The following SSH2 variants were observed in gnomAD, a reference collection of about 807,000 sequenced individuals.
The protein encoded by SSH2 is protein phosphatase Slingshot homolog 2.
In SSH2, 37 loss-of-function variants were observed where a neutral mutation model predicts 135.2. The observed-to-expected ratio is 0.27, with a 90% CI of 0.21 to 0.36. The LOEUF is 0.36. Ranked by LOEUF, SSH2 falls within the 10% of genes least tolerant of loss-of-function variation. The probability of loss-of-function intolerance (pLI) is 1.00; values close to 1 mark genes in which losing one functional copy is unlikely to be tolerated. For missense variants in SSH2, 1,408 were observed against 1,765.3 expected (o/e 0.80, Z 3.63); for synonymous variants, 628 against 646.2 (o/e 0.97, Z 0.43).
At chr17:29,735,484 G>A (rs1274484979) in intron 3 of SSH2, among the ~76,000 whole-genome samples, 1 of 151,618 alleles carries the variant, frequency 6.6e-6, no homozygotes, top group Admixed American at 6.6e-5. Flanking sequence ...ATCACAGGAG[G>A]TCAGAAGTTT....
At position 29,694,584 on chromosome 17, in the gene SSH2, G is replaced by A. The variant is rs189328727; in HGVS notation, c.357+875C>T. ...CTCGGGAGGCTGAGGCAGGAGAATC[G>A]ATCGAACCTGGGAGGTGGAGGTTGC... On this transcript the variant is annotated intron_variant, in intron 5 of 15. Coordinates refer to ENST00000540801, the MANE Select transcript of SSH2 (RefSeq NM_001282129.2). 6.0e-4 allele frequency among the ~76,000 whole-genome samples: 91 copies of A among 152,246 alleles called. No homozygotes were observed. The East Asian group carries it at 0.01, about 17-fold the overall frequency.
intron 3 of SSH2, among the ~76,000 whole-genome samples, chr17:29,730,604 T>A (rs1394942410): frequency 1.3e-5 from 2 of 151,846 alleles, no homozygotes; most frequent in Admixed American, 6.6e-5. Context: ...CTCGGCTAAT[T>A]TTTTTGGTAA....
intron 5 of SSH2, among the ~76,000 whole-genome samples, chr17:29,688,530 G>C (rs999051599): frequency 1.4e-4 from 21 of 152,006 alleles, no homozygotes; most frequent in Non-Finnish European, 1.8e-4. Context: ...CTGGAATGCA[G>C]TGGTGTGATC....
At position 29,844,002 on chromosome 17, in the gene SSH2, A is replaced by G. The variant is rs1370959273; in HGVS notation, c.144+4847T>C. ...AAAATGTAAAAATATTCTAAACCAA[A>G]TAATTCTTACATTTTAGACTTTCTT... On this transcript the variant is annotated intron_variant, in intron 2 of 15. Transcript: ENST00000540801. 2.6e-5 allele frequency among the ~76,000 whole-genome samples: 4 copies of G among 152,304 alleles called. No homozygotes were observed. In the South Asian group the frequency reaches 6.2e-4, roughly 24 times the overall value.
rs544975138 is a variant in SSH2 at position 29,897,274 on chromosome 17, C to T, written c.63+32664G>A. 2.4e-4 allele frequency among the ~76,000 whole-genome samples: 37 copies of T among 152,176 alleles called. 1 individual carries two copies. Among genetic ancestry groups the T allele is most frequent in the African/African-American group, 8.9e-4 (37 of 41,542 alleles). ...TCATAATGACAGGATCAAATTTACACATAACAACATTAACCTTAAACGTAA... is the reference window on the plus strand; with the variant it reads ...TCATAATGACAGGATCAAATTTACATATAACAACATTAACCTTAAACGTAA... On this transcript the variant is annotated intron_variant, in intron 1 of 15. Transcript: ENST00000540801.
At chr17:29,796,129 G>A (rs1427203125) in intron 2 of SSH2, among the ~76,000 whole-genome samples, 1 of 152,154 alleles carries the variant, frequency 6.6e-6, no homozygotes, top group Non-Finnish European at 1.5e-5. Context: ...TAATACCTAT[G>A]AACACCATTC....
intron 3 of SSH2, among the ~76,000 whole-genome samples, chr17:29,766,020 C>CAAAA (rs56037567): frequency 0.032 from 3,199 of 100,444 alleles, 100 homozygotes; most frequent in African/African-American, 0.055. Flanking sequence ...ACTCCGTCTC[C>CAAAA]AAAAAAAAAA....
chr17:29,770,690 C>T (rs1413532736), intron 3 of SSH2, among the ~76,000 whole-genome samples: 4 of 152,038 alleles, frequency 2.6e-5, no homozygotes, highest in Non-Finnish European at 5.9e-5. Context: ...CCTGACTGGT[C>T]TCGAACTCCT....
At chr17:29,856,250 C>T (rs969764872) in intron 1 of SSH2, 12 of 296,896 alleles carry the variant, frequency 4.0e-5, no homozygotes, top group Non-Finnish European at 5.2e-5. Flanking sequence ...CAATCCACAA[C>T]AGTTAAAAAC....
chr17:29,793,479 G>C (rs1367445415), intron 3 of SSH2: 1 of 154,312 alleles, frequency 6.5e-6, no homozygotes, highest in Admixed American at 6.5e-5. Flanking sequence ...TGAAAGGTAA[G>C]GAAATTTTGC....
At chr17:29,674,622 C>A (rs973555248) in intron 8 of SSH2, among the ~76,000 whole-genome samples, 7 of 152,122 alleles carry the variant, frequency 4.6e-5, no homozygotes, top group Admixed American at 6.6e-5. Context: ...ACTCACTACT[C>A]CCCATAAGGT....
At chr17:29,707,879 T>G (rs2039271655) in intron 3 of SSH2, among the ~76,000 whole-genome samples, 1 of 152,064 alleles carries the variant, frequency 6.6e-6, no homozygotes, top group Non-Finnish European at 1.5e-5. Context: ...TCCCAGAGAC[T>G]CGTGGCAGAT....
intron 3 of SSH2, among the ~76,000 whole-genome samples, chr17:29,790,819 C>T (rs2042051836): frequency 6.6e-6 from 1 of 151,390 alleles, no homozygotes; most frequent in South Asian, 2.1e-4. Flanking sequence ...ACCTCTGCCT[C>T]CCGAGTTCCA....
At chr17:29,707,150 C>CT (rs1250227535) in intron 3 of SSH2, 2 of 103,866 alleles carry the variant, frequency 1.9e-5, no homozygotes, top group African/African-American at 3.7e-5. Flanking sequence ...GACACTCCGC[C>CT]TCAAAAAAAA....
At chr17:29,691,673 G>T (rs536683376) in intron 5 of SSH2, among the ~76,000 whole-genome samples, 45 of 151,522 alleles carry the variant, frequency 3.0e-4, no homozygotes, top group Admixed American at 5.3e-4. Context: ...TGTATTTTTA[G>T]TAGAGACGGG....
intron 3 of SSH2, among the ~76,000 whole-genome samples, chr17:29,791,745 CAG>C (rs2042069085): frequency 6.6e-6 from 1 of 152,092 alleles, no homozygotes; most frequent in Admixed American, 6.6e-5. Flanking sequence ...GACATTATAA[CAG>C]ATTAGCAAAT....
At chr17:29,680,702 C>T (rs1022868182) in intron 6 of SSH2, among the ~76,000 whole-genome samples, 3 of 152,018 alleles carry the variant, frequency 2.0e-5, no homozygotes, top group African/African-American at 7.2e-5. Context: ...GACAGCTCTA[C>T]CACAAGTTTT....
At chr17:29,917,459 A>G (rs1172170292) in intron 1 of SSH2, among the ~76,000 whole-genome samples, 1 of 152,072 alleles carries the variant, frequency 6.6e-6, no homozygotes, top group Non-Finnish European at 1.5e-5. Context: ...TGCCTTCCCC[A>G]CCAGTCTTGT....
intron 1 of SSH2, among the ~76,000 whole-genome samples, chr17:29,907,899 C>T (rs1470428497): frequency 6.7e-6 from 1 of 150,278 alleles, no homozygotes; most frequent in Non-Finnish European, 1.5e-5. Flanking sequence ...TGGCTCACTG[C>T]AGCCTTGACC....
Sources: allele counts gnomAD v4.1 joint callset (sites outside exome capture counted in the v4.1 genomes callset), GRCh38; gene constraint gnomAD v4.1.1; transcripts MANE v1.5; gene names NCBI Gene and HGNC (gene_info 2026-07-23, HGNC 2026-07-21).